DENND5B: variants seen among roughly 807,000 people sequenced by gnomAD.
The protein encoded by DENND5B is DENN domain containing 5B.
DENND5B carries 34 observed loss-of-function variants against 140.6 expected under a neutral mutation model. The ratio of observed to expected loss-of-function variants is 0.24; its 90% CI spans 0.18 to 0.32. The LOEUF (loss-of-function observed/expected upper bound fraction) is 0.32. Ranked by LOEUF, DENND5B falls within the 10% of genes least tolerant of loss-of-function variation. DENND5B has a pLI of 1.00. For missense variants in DENND5B, 1,142 were observed against 1,560.2 expected (o/e 0.73, Z 4.52); for synonymous variants, 551 against 562.1 (o/e 0.98, Z 0.28).
In DENND5B at chr12:31,447,639, C is replaced by T. The variant is rs780091583; in HGVS notation, c.1760G>A (p.Arg587Gln). 1.4e-5 allele frequency: 22 copies of T among 1,613,612 alleles called. No individual in the cohort carries two copies. The highest frequency in any genetic ancestry group is 8.9e-5 in the East Asian group (4 of 44,876). Residue 587 changes from arginine (R) to glutamine (Q), a missense_variant, in exon 6 of 21, where the codon CGG (arginine) becomes CAG (glutamine). By Grantham distance (43) the Arg-to-Gln change is conservative. Around this residue, in one of 5 missense-constraint regions of DENND5B, gnomAD observed 708 missense variants for 905.5 expected, o/e 0.78. Transcript: ENST00000389082. ...SQWEEKDPLL[R>Q]VFDTRIDKIR... ...CTTATCAATCCGAGTGTCAAAGACCCGAAGCAAAGGATCTTTCTCTTCCCA... is the reference window on the plus strand; with the variant it reads ...CTTATCAATCCGAGTGTCAAAGACCTGAAGCAAAGGATCTTTCTCTTCCCA...
At chr12:31,570,362 C>T (rs1328637337) in intron 1 of DENND5B, among the ~76,000 whole-genome samples, 4 of 149,710 alleles carry the variant, frequency 2.7e-5, no homozygotes, top group Admixed American at 1.3e-4. Flanking sequence ...CTACAAGCTC[C>T]GCCTCCTGGG....
intron 7 of DENND5B, among the ~76,000 whole-genome samples, chr12:31,442,224 T>C (rs1368265539): frequency 6.6e-6 from 1 of 152,292 alleles, no homozygotes; most frequent in East Asian, 1.9e-4. Context: ...AGGATCTCAT[T>C]AGACTGGTGT....
chr12:31,579,049 T>C (rs1950118718), intron 1 of DENND5B, among the ~76,000 whole-genome samples: 1 of 152,258 alleles, frequency 6.6e-6, no homozygotes. Context: ...CACATATCTT[T>C]GAAAGTCATT....
intron 1 of DENND5B, among the ~76,000 whole-genome samples, chr12:31,569,378 T>TA (rs1491538002): frequency 2.0e-5 from 3 of 152,216 alleles, no homozygotes; most frequent in Admixed American, 6.5e-5. Flanking sequence ...ACCTCTTTTA[T>TA]GTGTGTAACA....
intron 13 of DENND5B, among the ~76,000 whole-genome samples, chr12:31,410,381 T>C (rs1198015211): frequency 1.3e-5 from 2 of 152,160 alleles, no homozygotes; most frequent in Non-Finnish European, 2.9e-5. Flanking sequence ...GTAAGTCTAT[T>C]AGTGCCTTTT....
intron 14 of DENND5B, among the ~76,000 whole-genome samples, chr12:31,407,677 T>A (rs1169417331): frequency 2.6e-5 from 4 of 152,132 alleles, no homozygotes; most frequent in African/African-American, 9.7e-5. Flanking sequence ...TCCTTGGCAC[T>A]CTCTCCTTCC....
chr12:31,510,670 T>C (rs1368872796), intron 1 of DENND5B, among the ~76,000 whole-genome samples: 1 of 152,106 alleles, frequency 6.6e-6, no homozygotes, highest in Non-Finnish European at 1.5e-5. Flanking sequence ...TCTCTCTAAT[T>C]TCTTCTCTCT....
At chr12:31,578,337 T>G (rs1950096026) in intron 1 of DENND5B, among the ~76,000 whole-genome samples, 2 of 152,124 alleles carry the variant, frequency 1.3e-5, no homozygotes. Context: ...CACACTCCCA[T>G]GGGTGTCCTC....
chr12:31,587,404 G>A (rs771321728), intron 1 of DENND5B, among the ~76,000 whole-genome samples: 25 of 150,594 alleles, frequency 1.7e-4, no homozygotes, highest in Non-Finnish European at 3.0e-4. Context: ...CATATTCATA[G>A]AATTCATACA....
rs1055773182 is a variant in DENND5B, at chr12:31,398,314, C to T, written c.3117G>A (p.Leu1039=). The T allele has an allele frequency of 7.7e-6, 12 of 1,554,288 alleles. No individual in the cohort carries two copies. Among genetic ancestry groups the T allele is most frequent in the Non-Finnish European group, 9.6e-6 (11 of 1,148,364 alleles). The change falls in exon 17 of 21, where the codon CTG becomes CTA. Residue 1039 remains leucine (L), a synonymous_variant. Transcript: ENST00000389082. ...WLGKGIDDGS[L]ERILIGELMT... ...TCAACTCTCCAATAAGAATTCTCTCCAGGCTCCCATCATCAATGCCTTTCC... is the reference window on the plus strand; with the variant it reads ...TCAACTCTCCAATAAGAATTCTCTCTAGGCTCCCATCATCAATGCCTTTCC...
intron 1 of DENND5B, among the ~76,000 whole-genome samples, chr12:31,569,591 T>A (rs1009725832): frequency 1.3e-5 from 2 of 151,242 alleles, no homozygotes; most frequent in African/African-American, 4.9e-5. Flanking sequence ...GGCAGATCAC[T>A]TGAGGCCAGG....
chr12:31,456,859 G>A (rs1326281566), intron 4 of DENND5B, among the ~76,000 whole-genome samples: 2 of 152,152 alleles, frequency 1.3e-5, no homozygotes, highest in African/African-American at 2.4e-5. Flanking sequence ...CCAGAGGATC[G>A]CTTGAGCCCA....
intron 1 of DENND5B, among the ~76,000 whole-genome samples, chr12:31,534,226 C>A (rs969222863): frequency 6.6e-6 from 1 of 151,926 alleles, no homozygotes; most frequent in South Asian, 2.1e-4. Flanking sequence ...GTGGTGCGAT[C>A]TCGGCTTACT....
chr12:31,475,395 T>C (rs976688561), intron 3 of DENND5B, among the ~76,000 whole-genome samples: 1 of 152,122 alleles, frequency 6.6e-6, no homozygotes, highest in African/African-American at 2.4e-5. Context: ...TCTTCTTCAT[T>C]TGAAACTGAA....
chr12:31,498,541 CACT>C (rs1293188122), intron 1 of DENND5B, among the ~76,000 whole-genome samples: 7 of 152,076 alleles, frequency 4.6e-5, no homozygotes, highest in Non-Finnish European at 8.8e-5. Context: ...CCACCACCAC[CACT>C]GCTTATTAGA....
intron 2 of DENND5B, among the ~76,000 whole-genome samples, chr12:31,485,562 T>C (rs894524088): frequency 1.3e-5 from 2 of 152,228 alleles, no homozygotes; most frequent in African/African-American, 4.8e-5. Context: ...TTTAAACACG[T>C]AAGTATGGTT....
chr12:31,408,571 G>C (rs1201828126), intron 14 of DENND5B, among the ~76,000 whole-genome samples: 1 of 138,484 alleles, frequency 7.2e-6, no homozygotes, highest in Non-Finnish European at 1.5e-5. Flanking sequence ...AGGCTGCGGT[G>C]AGCTGAGATC....
In DENND5B at chr12:31,522,904, A is replaced by T. The variant is rs141897733; in HGVS notation, c.128-26985T>A. On this transcript the variant is annotated intron_variant, in intron 1 of 20. Transcript: ENST00000389082. ...TTCCAGTTTTATTGAGGGTGGCTTC[A>T]TCCCTTAGAACAACTTTTGTGTTGT... Among the ~76,000 whole-genome samples the T allele has an allele frequency of 1.5e-3, 223 of 152,182 alleles. 1 individual carries two copies. The highest frequency in any genetic ancestry group is 4.9e-3 in the African/African-American group (203 of 41,520).
intron 14 of DENND5B, among the ~76,000 whole-genome samples, chr12:31,403,205 G>C (rs1199402382): frequency 1.3e-5 from 2 of 152,004 alleles, no homozygotes; most frequent in Admixed American, 6.6e-5. Context: ...CCTCCACTCT[G>C]GACATATCGT....
Sources: allele counts gnomAD v4.1 joint callset (sites outside exome capture counted in the v4.1 genomes callset), GRCh38; gene constraint gnomAD v4.1.1; regional missense constraint gnomAD v4.1.1; transcripts MANE v1.5; gene names NCBI Gene and HGNC (gene_info 2026-07-23, HGNC 2026-07-21).